EGF: variants seen among roughly 807,000 people sequenced by gnomAD.
The protein encoded by EGF is epidermal growth factor, also known as pro-epidermal growth factor.
Under a neutral mutation model 143.8 loss-of-function variants are expected in EGF, and 95 were observed. The observed-to-expected ratio is 0.66, with a 90% confidence interval of 0.56 to 0.78. The LOEUF (loss-of-function observed/expected upper bound fraction) is 0.78, where lower values mean the gene tolerates loss of function less well. Among genes scored for constraint, EGF ranks in the 30% least tolerant of loss-of-function variants. The probability of loss-of-function intolerance (pLI) is 0.00; values close to 1 mark genes in which losing one functional copy is unlikely to be tolerated. For synonymous variants in EGF, 510 were observed against 510.5 expected (o/e 1.00, Z 0.01); for missense variants, 1,320 against 1,470.9 (o/e 0.90, Z 1.68).
Position 109,942,257 on chromosome 4 carries a change from T to C in EGF, c.328-997T>C, listed in dbSNP as rs78468635. On this transcript the variant is annotated intron_variant, in intron 2 of 23. Coordinates refer to ENST00000265171, the MANE Select transcript of EGF (RefSeq NM_001963.6). ...GATCAGCCTGTTGCCTAAAATTCCA[T>C]CCTTATATTCCTTCCTTTGGGTTAA... 6.0e-3 allele frequency among the ~76,000 whole-genome samples: 913 copies of C among 152,352 alleles called. 8 individuals carry two copies. Among genetic ancestry groups the C allele is most frequent in the African/African-American group, 0.021 (867 of 41,584 alleles).
At position 110,011,243 on chromosome 4, in the gene EGF, T is replaced by C. The variant is rs769173882; in HGVS notation, c.3412T>C (p.Cys1138Arg). The change falls in exon 24 of 24, where the codon TGT becomes CGT. Residue 1138 changes from cysteine to arginine, a missense_variant. Physicochemically the swap from Cys to Arg is radical, Grantham distance 180. This residue lies in a region of EGF where 1,186 missense variants were observed against 1,313.7 expected (regional missense o/e 0.90). Transcript: ENST00000265171. ...TTCATGGAGGCAGGAGCCCCAGTTA[T>C]GTGGAATGGGCACAGAGCAAGGCTG... ...PTSWRQEPQL[C>R]GMGTEQGCWI... is the part of the protein sequence containing the mutation. The C allele has an allele frequency of 5.0e-6, 8 of 1,614,158 alleles. No homozygotes were observed. The South Asian group carries it at 5.5e-5, about 11-fold the overall frequency.
At chr4:109,983,861 T>C (rs1382888087) in intron 16 of EGF, among the ~76,000 whole-genome samples, 1 of 152,196 alleles carries the variant, frequency 6.6e-6, no homozygotes, top group Non-Finnish European at 1.5e-5. Context: ...CCTGATATTT[T>C]TGGTATTTGG....
intron 1 of EGF, among the ~76,000 whole-genome samples, chr4:109,934,500 A>G (rs377248610): frequency 1.7e-4 from 26 of 152,252 alleles, no homozygotes; most frequent in African/African-American, 5.8e-4. Flanking sequence ...ATTTTCTCCC[A>G]TTCTGTAGGT....
At chr4:109,922,089 TCTC>T (rs1194710264) in intron 1 of EGF, among the ~76,000 whole-genome samples, 1 of 151,534 alleles carries the variant, frequency 6.6e-6, no homozygotes, top group African/African-American at 2.5e-5. Context: ...GAAATTAACT[TCTC>T]CTTGGTGTGC....
At chr4:109,933,579 C>G (rs1287422516) in intron 1 of EGF, among the ~76,000 whole-genome samples, 2 of 152,156 alleles carry the variant, frequency 1.3e-5, no homozygotes, top group Admixed American at 6.5e-5. Flanking sequence ...ACCAGCCCCC[C>G]ACCTCCCAAC....
chr4:109,970,824 C>CAAAAAAAAAAAAAAAAA (rs371512157), intron 11 of EGF, among the ~76,000 whole-genome samples: 19 of 72,962 alleles, frequency 2.6e-4, no homozygotes, highest in African/African-American at 1.0e-3. Context: ...GACTCCGTCT[C>CAAAAAAAAAAAAAAAAA]AAAAAAAAAA....
Position 109,913,118 on chromosome 4 carries a change from T to C in EGF, c.-218T>C. 1.9e-6 allele frequency: 1 copy of C among 520,322 alleles called. No individual in the cohort carries two copies. The highest frequency in any genetic ancestry group is 3.7e-5 in the East Asian group (1 of 27,204). 32.2% of individuals were successfully genotyped at this position (520,322 alleles called of 1,614,324 possible). A position where few individuals can be genotyped will look rare whatever the true frequency, so the allele number is the denominator to read the frequency against. ...TTCCAAAGAAACATAGATAAAGAAA[T>C]CTTTCCTGTGGCTTCCCTTGGCAGG... On this transcript the variant is annotated 5_prime_UTR_variant, in exon 1 of 24. Coordinates refer to ENST00000265171, the MANE Select transcript of EGF (RefSeq NM_001963.6).
Position 109,920,643 on chromosome 4 carries a change from A to G in EGF, c.127+7181A>G, listed in dbSNP as rs145002583. Among the ~76,000 whole-genome samples the G allele has an allele frequency of 5.5e-4, 84 of 151,770 alleles. No individual in the cohort carries two copies. In the East Asian group the frequency reaches 0.012, roughly 22 times the overall value. On this transcript the variant is annotated intron_variant, in intron 1 of 23. Coordinates refer to ENST00000265171, the MANE Select transcript of EGF (RefSeq NM_001963.6). Reference sequence around the variant, plus strand: ...TTACTCCAAATTTGGGCCATCCTAGAGCTAGTAAACAAAATATTAGTCTTA... The same window carrying G: ...TTACTCCAAATTTGGGCCATCCTAGGGCTAGTAAACAAAATATTAGTCTTA...
intron 1 of EGF, among the ~76,000 whole-genome samples, chr4:109,940,365 C>T (rs1443922083): frequency 6.6e-6 from 1 of 152,080 alleles, no homozygotes; most frequent in Non-Finnish European, 1.5e-5. Flanking sequence ...ATTTGGGCAT[C>T]CTGTATTTAT....
At chr4:109,925,365 G>C (rs1273301016) in intron 1 of EGF, among the ~76,000 whole-genome samples, 1 of 152,200 alleles carries the variant, frequency 6.6e-6, no homozygotes, top group Non-Finnish European at 1.5e-5. Flanking sequence ...CACAGCGTAT[G>C]GTTGTTTTCT....
chr4:109,993,587 A>G (rs1751349919), intron 19 of EGF, among the ~76,000 whole-genome samples: 1 of 152,148 alleles, frequency 6.6e-6, no homozygotes, highest in South Asian at 2.1e-4. Context: ...TTTATTACTC[A>G]CAATCCAATA....
At position 110,011,865 on chromosome 4, in the gene EGF, T is replaced by C. The variant is rs1285407514; in HGVS notation, c.*410T>C. The C allele has an allele frequency of 4.0e-6, 1 of 252,996 alleles. No individual in the cohort carries two copies. The highest frequency in any genetic ancestry group is 5.4e-5 in the South Asian group (1 of 18,540). 15.7% of individuals were successfully genotyped at this position (252,996 alleles called of 1,614,324 possible). A position where few individuals can be genotyped will look rare whatever the true frequency, so the allele number is the denominator to read the frequency against. Reference sequence around the variant, plus strand: ...TTCTTTGATCTGGACAGAACATTTATATCAGTTTCATGAAATGATTGGAAT... The same window carrying C: ...TTCTTTGATCTGGACAGAACATTTACATCAGTTTCATGAAATGATTGGAAT... On this transcript the variant is annotated 3_prime_UTR_variant, in exon 24 of 24. Transcript: ENST00000265171.
At chr4:109,962,529 A>T (rs939215665) in intron 8 of EGF, among the ~76,000 whole-genome samples, 1 of 152,198 alleles carries the variant, frequency 6.6e-6, no homozygotes, top group Non-Finnish European at 1.5e-5. Flanking sequence ...AGAGAAAAAA[A>T]TTACTAGGAA....
rs11569142 is a variant in EGF, at chr4:110,010,783, G to T, written c.3371-419G>T. On this transcript the variant is annotated intron_variant, in intron 23 of 23. Coordinates refer to ENST00000265171, the MANE Select transcript of EGF (RefSeq NM_001963.6). Reference sequence around the variant, plus strand: ...TTTTTTAAAAATTGGGCTCAGGGTGGGGTGTGGTGTCTCATACCTGTAATT... The same window carrying T: ...TTTTTTAAAAATTGGGCTCAGGGTGTGGTGTGGTGTCTCATACCTGTAATT... Among the ~76,000 whole-genome samples the T allele has an allele frequency of 0.015, 2,292 of 152,256 alleles. 227 individuals are homozygous for T. The East Asian group carries it at 0.24, about 16-fold the overall frequency.
intron 1 of EGF, among the ~76,000 whole-genome samples, chr4:109,937,249 GTTC>G (rs1485293201): frequency 1.3e-5 from 2 of 151,900 alleles, no homozygotes; most frequent in East Asian, 1.9e-4. Context: ...AGGCTACTTA[GTTC>G]TTCTTGCTGC....
chr4:109,968,905 G>A, intron 10 of EGF, 66 bp from the exon 11 acceptor site: 2 of 1,606,650 alleles, frequency 1.2e-6, no homozygotes, highest in Admixed American at 3.3e-5. Flanking sequence ...AAAGACTAGT[G>A]CCATTTGTAT....
Position 109,981,039 on chromosome 4 carries a change from T to A in EGF, c.2371+64T>A, listed in dbSNP as rs1026502473. The A allele has an allele frequency of 6.3e-6, 10 of 1,597,890 alleles. No individual in the cohort carries two copies. In the African/African-American group the frequency reaches 1.3e-4, roughly 21 times the overall value. Reference sequence around the variant, plus strand: ...GCTCAGAAATACAGCTGTACATCAATCTTTATGCTTTTGCTGATTTTGAAT... The same window carrying A: ...GCTCAGAAATACAGCTGTACATCAAACTTTATGCTTTTGCTGATTTTGAAT... On this transcript the variant is annotated intron_variant, in intron 15 of 23. Coordinates refer to ENST00000265171, the MANE Select transcript of EGF (RefSeq NM_001963.6).
At chr4:109,969,272 C>T (rs1393782162) in intron 11 of EGF, among the ~76,000 whole-genome samples, 153 bp downstream of exon 11, 1 of 152,168 alleles carries the variant, frequency 6.6e-6, no homozygotes, top group Admixed American at 6.6e-5. Context: ...GTCCACACTC[C>T]CTCCACTTCC....
chr4:109,993,289 A>T lies in EGF; in HGVS notation c.2777A>T (p.Asn926Ile). Reference sequence around the variant, plus strand: ...CTGGGGGAGCACAGCTGTGGAGAGAATGCCAGCTGCACAAATACAGAGGGA... The same window carrying T: ...CTGGGGGAGCACAGCTGTGGAGAGATTGCCAGCTGCACAAATACAGAGGGA... ...CQLGEHSCGE[N>I]ASCTNTEGGY... Residue 926 changes from asparagine to isoleucine, a missense_variant, in exon 19 of 24, where the codon AAT becomes ATT. This residue lies in a region of EGF where 1,186 missense variants were observed against 1,313.7 expected (regional missense o/e 0.90). Coordinates refer to ENST00000265171, the MANE Select transcript of EGF (RefSeq NM_001963.6). The T allele has an allele frequency of 6.2e-7, 1 of 1,613,880 alleles. No individual in the cohort carries two copies.
Sources: gnomAD v4.1 joint callset for allele counts (sites outside exome capture counted in the v4.1 genomes callset) on GRCh38, gnomAD v4.1.1 for gene constraint, gnomAD v4.1.1 regional missense constraint, MANE v1.5 for transcripts, NCBI Gene and HGNC (gene_info 2026-07-23, HGNC 2026-07-21) for gene names.